The following PTPRD variants were observed in gnomAD, a reference collection of about 807,000 sequenced individuals.
PTPRD encodes the protein receptor-type tyrosine-protein phosphatase delta.
PTPRD carries 34 observed loss-of-function variants against 214.5 expected under a neutral mutation model. The observed-to-expected ratio is 0.16, with a 90% confidence interval of 0.12 to 0.21. The LOEUF (loss-of-function observed/expected upper bound fraction) is 0.21. Among genes scored for constraint, PTPRD ranks in the 10% least tolerant of loss-of-function variants. The pLI is 1.00. For missense variants in PTPRD, 2,545 were observed against 2,398.7 expected, an observed-to-expected ratio of 1.06 and a Z score of -1.27; for synonymous variants, 1,128 against 845.7, an observed-to-expected ratio of 1.33 and a Z score of -5.79.
chr9:9,968,434 G>A (rs1010971540), intron 4 of PTPRD, among the ~76,000 whole-genome samples: 2 of 152,128 alleles, frequency 1.3e-5, no homozygotes, highest in African/African-American at 4.8e-5. Flanking sequence ...AAATAATCAA[G>A]AAAATATATT....
At position 8,979,060 on chromosome 9, in the gene PTPRD, G is replaced by C. The variant is rs2099289550; in HGVS notation, c.-104+39637C>G. 2.0e-5 allele frequency among the ~76,000 whole-genome samples: 3 copies of C among 152,102 alleles called. No individual in the cohort carries two copies. The South Asian group carries it at 6.2e-4, about 31-fold the overall frequency. On this transcript the variant is annotated intron_variant, in intron 11 of 45. Coordinates refer to ENST00000381196, the MANE Select transcript of PTPRD (RefSeq NM_002839.4). ...CAACTTTGGCAACAGACCCAAACTT[G>C]TAATTCATTTCTTGTATGTTTCTTT...
chr9:9,670,703 G>C (rs1275376683), intron 7 of PTPRD, among the ~76,000 whole-genome samples: 1 of 152,220 alleles, frequency 6.6e-6, no homozygotes, highest in Admixed American at 6.5e-5. Flanking sequence ...TAGAGCTCAG[G>C]CTGTGGCTTC....
At chr9:8,484,086 T>A in intron 30 of PTPRD, 33 bp downstream of exon 30, 2 of 1,594,236 alleles carry the variant, frequency 1.3e-6, no homozygotes, top group Non-Finnish European at 1.7e-6. Flanking sequence ...CCTATAATTC[T>A]TTCCTTCAGC....
At chr9:9,854,737 A>T (rs540215156) in intron 5 of PTPRD, among the ~76,000 whole-genome samples, 1 of 152,204 alleles carries the variant, frequency 6.6e-6, no homozygotes, top group South Asian at 2.1e-4. Context: ...CTTTTCAGCA[A>T]AGCCAGTACC....
intron 3 of PTPRD, among the ~76,000 whole-genome samples, chr9:10,244,734 T>C (rs866893761): frequency 6.6e-6 from 1 of 152,104 alleles, no homozygotes; most frequent in Non-Finnish European, 1.5e-5. Context: ...GTTCAAACAA[T>C]ATTTAAAACA....
chr9:9,645,652 C>G (rs1250470482), intron 7 of PTPRD, among the ~76,000 whole-genome samples: 1 of 151,584 alleles, frequency 6.6e-6, no homozygotes, highest in Non-Finnish European at 1.5e-5. Flanking sequence ...GGATTTTTTC[C>G]CCTTTCTTGC....
chr9:9,786,846 T>A (rs1299696261), intron 5 of PTPRD, among the ~76,000 whole-genome samples: 1 of 152,162 alleles, frequency 6.6e-6, no homozygotes, highest in Non-Finnish European at 1.5e-5. Context: ...TAACTTCATA[T>A]TTTTACTTAT....
intron 11 of PTPRD, among the ~76,000 whole-genome samples, chr9:8,948,505 TTATATATATATATTTATA>T (rs2099082784): frequency 7.7e-5 from 1 of 13,064 alleles, no homozygotes; most frequent in African/African-American, 1.9e-4. Flanking sequence ...ATATATATAT[TTATATATATATATTTATA>T]TATATATTTA....
At chr9:9,564,882 C>CTTTT (rs1448047685) in intron 8 of PTPRD, among the ~76,000 whole-genome samples, 3 of 33,236 alleles carry the variant, frequency 9.0e-5, no homozygotes, top group Non-Finnish European at 1.9e-4. Context: ...CTTGAATCTT[C>CTTTT]TGTTTTTTTT....
intron 7 of PTPRD, among the ~76,000 whole-genome samples, chr9:9,600,527 G>C (rs1741075728): frequency 6.6e-6 from 1 of 152,018 alleles, no homozygotes; most frequent in Non-Finnish European, 1.5e-5. Flanking sequence ...GGTTTAAAAA[G>C]TGTCTTACGA....
chr9:10,384,874 TTCTTAAACCATA>T (rs1329490974), intron 2 of PTPRD, among the ~76,000 whole-genome samples: 7 of 151,818 alleles, frequency 4.6e-5, no homozygotes, highest in Non-Finnish European at 2.9e-5. Context: ...TTCTTGTTGT[TTCTTAAACCATA>T]ACTTAAACTC....
chr9:8,388,982 C>CAT (rs2088360018), intron 37 of PTPRD, among the ~76,000 whole-genome samples: 1 of 130,054 alleles, frequency 7.7e-6, no homozygotes, highest in Non-Finnish European at 1.6e-5. Context: ...GTGAATATTC[C>CAT]TTTTTTTTTT....
At chr9:8,321,505 A>G (rs1355408288) in intron 44 of PTPRD, among the ~76,000 whole-genome samples, 65 of 97,054 alleles carry the variant, frequency 6.7e-4, no homozygotes, top group African/African-American at 2.8e-3. Flanking sequence ...ATATATATAT[A>G]TATATATATA....
intron 5 of PTPRD, among the ~76,000 whole-genome samples, chr9:9,868,265 T>C (rs964172840): frequency 3.3e-5 from 5 of 152,166 alleles, no homozygotes; most frequent in African/African-American, 1.2e-4. Context: ...ATATCGAAGA[T>C]GACAGAAAAG....
At chr9:9,104,098 T>C (rs1459741472) in intron 10 of PTPRD, among the ~76,000 whole-genome samples, 2 of 152,192 alleles carry the variant, frequency 1.3e-5, no homozygotes, top group Non-Finnish European at 2.9e-5. Context: ...AGATATAGCC[T>C]GGCTTGGCAA....
At chr9:9,548,699 A>G (rs2079450535) in intron 8 of PTPRD, among the ~76,000 whole-genome samples, 1 of 152,144 alleles carries the variant, frequency 6.6e-6, no homozygotes, top group African/African-American at 2.4e-5. Flanking sequence ...ATAAGCACTG[A>G]TCATAAGAAA....
intron 11 of PTPRD, among the ~76,000 whole-genome samples, chr9:9,007,782 T>C (rs2099485879): frequency 1.3e-5 from 2 of 149,254 alleles, no homozygotes; most frequent in Non-Finnish European, 3.0e-5. Context: ...CTTAAGCATA[T>C]CTTTCAGTTG....
intron 14 of PTPRD, among the ~76,000 whole-genome samples, chr9:8,530,695 T>C (rs2139624906): frequency 1.3e-5 from 2 of 152,230 alleles, no homozygotes. Context: ...ATATATATCC[T>C]ACTATGCAGA....
At chr9:8,837,717 G>A (rs759093031) in intron 11 of PTPRD, among the ~76,000 whole-genome samples, 13 of 151,988 alleles carry the variant, frequency 8.6e-5, no homozygotes, top group African/African-American at 1.5e-4. Flanking sequence ...GCCCAGGCTG[G>A]TCTCAAACTT....
Sources: allele counts gnomAD v4.1 joint callset (sites outside exome capture counted in the v4.1 genomes callset), GRCh38; gene constraint gnomAD v4.1.1; transcripts MANE v1.5; gene names NCBI Gene and HGNC (gene_info 2026-07-23, HGNC 2026-07-21).